The following SLIT3 variants were observed in gnomAD, a reference collection of about 807,000 sequenced individuals.
SLIT3 encodes the protein slit homolog 3 protein.
SLIT3 carries 68 observed loss-of-function variants against 184.0 expected under a neutral mutation model. The observed-to-expected ratio is 0.37, with a 90% CI of 0.30 to 0.45. The LOEUF (loss-of-function observed/expected upper bound fraction) is 0.45, where lower values mean the gene tolerates loss of function less well. Ranked by LOEUF, SLIT3 falls within the 20% of genes least tolerant of loss-of-function variation. SLIT3 has a pLI of 1.00. For missense variants in SLIT3, 1,707 were observed against 2,026.0 expected (o/e 0.84, Z 3.02); for synonymous variants, 831 against 828.6 (o/e 1.00, Z -0.05).
chr5:168,994,758 G>A (rs947070036), intron 4 of SLIT3, among the ~76,000 whole-genome samples: 6 of 143,438 alleles, frequency 4.2e-5, no homozygotes, highest in South Asian at 4.6e-4. Context: ...TGATTCTCCC[G>A]CCTCAGCCTC....
At chr5:168,858,483 G>C (rs1212335133) in intron 5 of SLIT3, among the ~76,000 whole-genome samples, 1 of 152,194 alleles carries the variant, frequency 6.6e-6, no homozygotes, top group African/African-American at 2.4e-5. Flanking sequence ...TGAGACTTAG[G>C]GGGAAAAATT....
chr5:168,780,443 A>T (rs370794349), intron 12 of SLIT3, among the ~76,000 whole-genome samples: 2 of 152,270 alleles, frequency 1.3e-5, no homozygotes, highest in African/African-American at 4.8e-5. Context: ...GAACACTCAG[A>T]TGCAGATATA....
chr5:168,804,186 A>G (rs1419910061), intron 9 of SLIT3, among the ~76,000 whole-genome samples: 6 of 151,544 alleles, frequency 4.0e-5, no homozygotes, highest in African/African-American at 1.5e-4. Context: ...GCAGGCACCT[A>G]TAATCCCAGC....
At chr5:169,250,318 C>T (rs535765809) in intron 2 of SLIT3, among the ~76,000 whole-genome samples, 68 of 152,290 alleles carry the variant, frequency 4.5e-4, no homozygotes, top group African/African-American at 1.6e-3. Context: ...GTAAAATTAA[C>T]GCTTCACAAG....
At chr5:168,818,637 A>G (rs183053298) in intron 7 of SLIT3, among the ~76,000 whole-genome samples, 4 of 152,374 alleles carry the variant, frequency 2.6e-5, no homozygotes, top group Admixed American at 2.6e-4. Flanking sequence ...AAGACTTTCA[A>G]GTAGTCTGTG....
chr5:168,677,995 C>T (rs1761465066), intron 32 of SLIT3, among the ~76,000 whole-genome samples: 1 of 152,150 alleles, frequency 6.6e-6, no homozygotes, highest in African/African-American at 2.4e-5. Context: ...CTGGCTCATT[C>T]CCATTTCTGA....
chr5:168,875,768 G>C lies in SLIT3; in HGVS notation c.485+7497C>G, dbSNP rs149769074. Among the ~76,000 whole-genome samples, 768 of 152,012 alleles carry C rather than the reference G, an allele frequency of 5.1e-3. 2 individuals are homozygous for C. Among genetic ancestry groups the C allele is most frequent in the East Asian group, 0.01 (54 of 5,162 alleles). ...GAATGAGGGGGAAGGGAGGATAAGA[G>C]GGAGGAAAAAAAGGAAGAAAGGAAG... On this transcript the variant is annotated intron_variant, in intron 5 of 35. Transcript: ENST00000519560.
chr5:168,833,826 C>CT (rs889760182), intron 6 of SLIT3, among the ~76,000 whole-genome samples: 5 of 151,658 alleles, frequency 3.3e-5, no homozygotes, highest in African/African-American at 4.8e-5. Context: ...GAGGGAGTTT[C>CT]TTTTTTTTTA....
chr5:168,774,092 T>C, intron 13 of SLIT3, 143 bp downstream of exon 13: 3 of 801,484 alleles, frequency 3.7e-6, no homozygotes, highest in Non-Finnish European at 6.0e-6. Flanking sequence ...GCTATTCCGA[T>C]TTTTATTATT....
At chr5:168,740,328 G>A (rs2113426593) in intron 20 of SLIT3, among the ~76,000 whole-genome samples, 1 of 152,312 alleles carries the variant, frequency 6.6e-6, no homozygotes, top group Admixed American at 6.5e-5. Context: ...AGAGCTGACT[G>A]GAGAAAAAAA....
intron 4 of SLIT3, among the ~76,000 whole-genome samples, chr5:169,006,631 AACTCTC>A (rs1755944374): frequency 6.9e-6 from 1 of 144,374 alleles, no homozygotes; most frequent in Non-Finnish European, 1.5e-5. Context: ...ACACACACAC[AACTCTC>A]CAAGCACAAA....
intron 3 of SLIT3, among the ~76,000 whole-genome samples, chr5:169,217,094 C>T (rs991320253): frequency 6.3e-5 from 9 of 142,480 alleles, no homozygotes; most frequent in Non-Finnish European, 1.4e-4. Flanking sequence ...TTTCATTTTT[C>T]GGTGACAACT....
intron 6 of SLIT3, 23 bp from the exon 7 acceptor site, chr5:168,823,354 T>C (rs778065949): frequency 1.3e-6 from 2 of 1,578,528 alleles, no homozygotes; most frequent in African/African-American, 1.4e-5. Context: ...ACAAGGGAGA[T>C]GGTCAGCCAG....
intron 31 of SLIT3, among the ~76,000 whole-genome samples, chr5:168,685,483 A>G (rs1371144797): frequency 6.6e-6 from 1 of 152,204 alleles, no homozygotes; most frequent in Admixed American, 6.5e-5. Flanking sequence ...ATGAGGCTGG[A>G]AGTGGGGGCT....
chr5:168,832,058 G>A (rs1359562351), intron 6 of SLIT3, among the ~76,000 whole-genome samples: 1 of 152,204 alleles, frequency 6.6e-6, no homozygotes, highest in Admixed American at 6.5e-5. Flanking sequence ...CTGCCTAGCA[G>A]TGATTCAGAA....
chr5:168,966,222 C>T (rs77328981), intron 4 of SLIT3, among the ~76,000 whole-genome samples: 6,079 of 152,300 alleles, frequency 0.04, 157 homozygotes, highest in Middle Eastern at 0.065. Context: ...CCCAGGTGAG[C>T]TCTCGATCTT....
intron 27 of SLIT3, among the ~76,000 whole-genome samples, chr5:168,697,323 G>T (rs533720447): frequency 6.6e-6 from 1 of 152,140 alleles, no homozygotes; most frequent in Admixed American, 6.5e-5. Context: ...AAATCTCTTG[G>T]ATAAAAACCT....
intron 4 of SLIT3, among the ~76,000 whole-genome samples, chr5:168,906,268 G>T (rs115640409): frequency 0.014 from 2,140 of 152,318 alleles, 22 homozygotes; most frequent in South Asian, 0.023. Context: ...CTGGTTTGGT[G>T]CGACCCTTCC....
At chr5:168,750,163 C>T (rs1049292077) in intron 18 of SLIT3, among the ~76,000 whole-genome samples, 8 of 152,104 alleles carry the variant, frequency 5.3e-5, no homozygotes, top group Non-Finnish European at 8.8e-5. Flanking sequence ...TCTACATACA[C>T]GAGGGTAGGG....
Sources: gnomAD v4.1 joint callset for allele counts (sites outside exome capture counted in the v4.1 genomes callset) on GRCh38, gnomAD v4.1.1 for gene constraint, MANE v1.5 for transcripts, NCBI Gene and HGNC (gene_info 2026-07-23, HGNC 2026-07-21) for gene names.